NR2F1-AS1: variants seen among roughly 807,000 people sequenced by gnomAD.
The protein encoded by NR2F1-AS1 is NR2F1 antisense RNA 1.
In NR2F1-AS1 at chr5:93,579,153, C is replaced by T. The variant is rs1752962422; in HGVS notation, n.313+1314G>A. Among the ~76,000 whole-genome samples the T allele has an allele frequency of 6.6e-6, 1 of 152,178 alleles. No homozygotes were observed. Among genetic ancestry groups the T allele is most frequent in the Admixed American group, 6.5e-5 (1 of 15,286 alleles). On this transcript the variant is annotated intron_variant and non_coding_transcript_variant, in intron 1 of 5. Transcript: ENST00000660523. The surrounding 1 kb of genome is among the most constrained non-coding windows in gnomAD (Gnocchi z 5.1). ...AGTTCCAGAGGGGGACAGCGCCCTC[C>T]TCGAAAAGCCTTGGTTTCTCCCCGC...
chr5:93,507,427 G>A (rs1002658637), intron 4 of NR2F1-AS1, among the ~76,000 whole-genome samples: 2 of 151,938 alleles, frequency 1.3e-5, no homozygotes, highest in Non-Finnish European at 2.9e-5. Context: ...GCACGATCTC[G>A]GCTCACTGCA....
chr5:93,434,549 G>C (rs1749394627), intron 4 of NR2F1-AS1, among the ~76,000 whole-genome samples: 1 of 152,048 alleles, frequency 6.6e-6, no homozygotes, highest in Non-Finnish European at 1.5e-5. Flanking sequence ...CCTGTAAGCA[G>C]TTCTGTGTGA....
At chr5:93,534,382 C>A (rs1276448707) in intron 4 of NR2F1-AS1, among the ~76,000 whole-genome samples, 2 of 152,072 alleles carry the variant, frequency 1.3e-5, no homozygotes, top group Non-Finnish European at 2.9e-5. Context: ...TATAATGAGT[C>A]TTTTTATTTC....
intron 4 of NR2F1-AS1, among the ~76,000 whole-genome samples, chr5:93,550,281 T>C (rs770815184): frequency 6.6e-6 from 1 of 152,002 alleles, no homozygotes; most frequent in Non-Finnish European, 1.5e-5. Flanking sequence ...GAAAGCAGAG[T>C]TGACCCCCTT....
intron 4 of NR2F1-AS1, among the ~76,000 whole-genome samples, chr5:93,505,768 G>A (rs985193925): frequency 1.3e-5 from 2 of 152,180 alleles, no homozygotes; most frequent in African/African-American, 4.8e-5. Context: ...CCTGGGCCTG[G>A]CCCCAAAACC....
chr5:93,445,930 A>G (rs548918455), intron 4 of NR2F1-AS1, among the ~76,000 whole-genome samples: 6 of 152,338 alleles, frequency 3.9e-5, no homozygotes, highest in Admixed American at 3.3e-4. Context: ...CATCATATAA[A>G]CAGAACCAAA....
intron 4 of NR2F1-AS1, among the ~76,000 whole-genome samples, chr5:93,414,912 TA>T (rs953735728): frequency 2.6e-4 from 38 of 148,928 alleles, no homozygotes; most frequent in East Asian, 9.8e-4. Context: ...CTGTTGCAGT[TA>T]AAAAAAAAAG....
intron 4 of NR2F1-AS1, among the ~76,000 whole-genome samples, chr5:93,547,254 AG>A (rs1478881956): frequency 1.3e-5 from 2 of 152,196 alleles, no homozygotes; most frequent in Non-Finnish European, 2.9e-5. Context: ...ACATTATTTG[AG>A]GCTTTAAAGT....
chr5:93,488,452 A>G (rs1459038565), intron 4 of NR2F1-AS1, among the ~76,000 whole-genome samples: 1 of 152,256 alleles, frequency 6.6e-6, no homozygotes, highest in Admixed American at 6.5e-5. Context: ...GACACTTCTT[A>G]AAAGAAGACA....
chr5:93,432,906 C>T (rs943419455), intron 4 of NR2F1-AS1, among the ~76,000 whole-genome samples: 1 of 152,130 alleles, frequency 6.6e-6, no homozygotes, highest in African/African-American at 2.4e-5. Flanking sequence ...CACATTTGTC[C>T]ATTAGAAGTC....
intron 1 of NR2F1-AS1, among the ~76,000 whole-genome samples, chr5:93,578,141 A>G (rs1716734352): frequency 6.6e-6 from 1 of 152,172 alleles, no homozygotes; most frequent in South Asian, 2.1e-4. Context: ...TAACAGACAG[A>G]CAGTCCGCTT....
chr5:93,560,723 C>T (rs969283568), intron 2 of NR2F1-AS1, among the ~76,000 whole-genome samples: 36 of 152,136 alleles, frequency 2.4e-4, no homozygotes, highest in Admixed American at 2.1e-3. Context: ...ATTTTGAATT[C>T]ACATACTTCT....
At chr5:93,447,590 C>G (rs1427070781) in intron 4 of NR2F1-AS1, among the ~76,000 whole-genome samples, 1 of 152,162 alleles carries the variant, frequency 6.6e-6, no homozygotes, top group Admixed American at 6.5e-5. Context: ...AATAGGAACA[C>G]TTTTACACTG....
intron 1 of NR2F1-AS1, among the ~76,000 whole-genome samples, chr5:93,572,817 A>G (rs1054746446): frequency 1.3e-5 from 2 of 152,256 alleles, no homozygotes; most frequent in Non-Finnish European, 2.9e-5. Context: ...GAGGGCTGCT[A>G]TTAAGAGCTC....
chr5:93,506,221 C>T (rs1196055788), intron 4 of NR2F1-AS1, among the ~76,000 whole-genome samples: 2 of 152,202 alleles, frequency 1.3e-5, no homozygotes, highest in African/African-American at 4.8e-5. Context: ...ACAAGTACCT[C>T]ATCTCCATCT....
intron 4 of NR2F1-AS1, among the ~76,000 whole-genome samples, chr5:93,484,615 T>G (rs957144549): frequency 6.6e-5 from 10 of 152,070 alleles, no homozygotes; most frequent in African/African-American, 2.4e-4. Context: ...TAACCTTATA[T>G]GTAAGCAGAC....
chr5:93,578,529 A>G (rs1015569236), intron 1 of NR2F1-AS1, among the ~76,000 whole-genome samples: 1 of 152,040 alleles, frequency 6.6e-6, no homozygotes, highest in African/African-American at 2.4e-5. Context: ...GACCCGCCAA[A>G]CCGAAAGAGA....
At chr5:93,458,926 C>T (rs977435137) in intron 4 of NR2F1-AS1, among the ~76,000 whole-genome samples, 5 of 151,844 alleles carry the variant, frequency 3.3e-5, no homozygotes, top group Non-Finnish European at 5.9e-5. Flanking sequence ...ACAAGAGAAT[C>T]GCTTGAACAC....
chr5:93,574,072 T>G (rs1198156385), intron 1 of NR2F1-AS1, among the ~76,000 whole-genome samples: 2 of 152,378 alleles, frequency 1.3e-5, no homozygotes, highest in East Asian at 3.9e-4. Flanking sequence ...CAATTAGTCC[T>G]GCTAAACTAC....
Sources: gnomAD v4.1 joint callset for allele counts (sites outside exome capture counted in the v4.1 genomes callset) on GRCh38, gnomAD v4.1.1 for gene constraint, Gnocchi (gnomAD v3.1) non-coding constraint, MANE v1.5 for transcripts, NCBI Gene and HGNC (gene_info 2026-07-23, HGNC 2026-07-21) for gene names.